FSTL4: variants seen among roughly 807,000 people sequenced by gnomAD.
The protein encoded by FSTL4 is follistatin-related protein 4.
Under a neutral mutation model 78.2 loss-of-function variants are expected in FSTL4, and 28 were observed. That is an observed-to-expected ratio of 0.36 (90% CI 0.27 to 0.49). The LOEUF is 0.49. Among genes scored for constraint, FSTL4 ranks in the 20% least tolerant of loss-of-function variants. The probability of loss-of-function intolerance (pLI) is 0.98; values close to 1 mark genes in which losing one functional copy is unlikely to be tolerated. For synonymous variants in FSTL4, 422 were observed against 440.5 expected, an observed-to-expected ratio of 0.96 and a Z score of 0.53; for missense variants, 922 against 1,084.9, an observed-to-expected ratio of 0.85 and a Z score of 2.11.
chr5:133,418,634 T>TTAC (rs766593695), intron 3 of FSTL4, among the ~76,000 whole-genome samples: 4 of 152,210 alleles, frequency 2.6e-5, no homozygotes, highest in Non-Finnish European at 5.9e-5. Flanking sequence ...AACTCATGAA[T>TTAC]TACTATACAG....
At chr5:133,340,149 C>A (rs1423751200) in intron 4 of FSTL4, among the ~76,000 whole-genome samples, 2 of 152,128 alleles carry the variant, frequency 1.3e-5, no homozygotes, top group Non-Finnish European at 2.9e-5. Context: ...TCTCCCTGGG[C>A]CTCATTTCCT....
At chr5:133,809,320 C>T in the FSTL4 span, among the ~76,000 whole-genome samples, 1 of 143,216 alleles carries the variant, frequency 7.0e-6, no homozygotes, top group Non-Finnish European at 1.5e-5. Flanking sequence ...GGGCAGAGAT[C>T]GCACCACTGC....
At chr5:133,379,609 A>G (rs567518586) in intron 4 of FSTL4, among the ~76,000 whole-genome samples, 1 of 152,252 alleles carries the variant, frequency 6.6e-6, no homozygotes, top group Non-Finnish European at 1.5e-5. Context: ...TGGGAAATTC[A>G]CAGATACGTG....
At chr5:133,414,419 C>A (rs1756537188) in intron 3 of FSTL4, among the ~76,000 whole-genome samples, 1 of 152,146 alleles carries the variant, frequency 6.6e-6, no homozygotes, top group Non-Finnish European at 1.5e-5. Context: ...GAACCTTCCA[C>A]ATATGCCTAC....
At position 133,567,369 on chromosome 5, in the gene FSTL4, T is replaced by C. The variant is rs1760048238; in HGVS notation, c.127-150A>G. 9.1e-6 allele frequency: 6 copies of C among 660,736 alleles called. No homozygotes were observed. In the Admixed American group the frequency reaches 1.3e-4, roughly 14 times the overall value. 40.9% of individuals were successfully genotyped at this position (660,736 alleles called of 1,614,324 possible). A position where few individuals can be genotyped will look rare whatever the true frequency, so the allele number is the denominator to read the frequency against. On this transcript the variant is annotated intron_variant, in intron 2 of 15. Transcript: ENST00000265342. ...ACTGAGCAATGTTGGTCTACTAAAC[T>C]CTCAACATGTACATCTATAAATGTA... is the stretch of plus-strand genomic sequence containing the variant.
rs116838250 is a variant in FSTL4, at chr5:133,309,093, C to T, written c.727+3561G>A. Among the ~76,000 whole-genome samples, 558 of 152,328 alleles carry T rather than the reference C, an allele frequency of 3.7e-3. 4 individuals are homozygous for T. The highest frequency in any genetic ancestry group is 9.9e-3 in the African/African-American group (412 of 41,576). ...GAACAGTGCAAAAACCATGCATCAT[C>T]AAGAAGCTTTTTAGATGAGCAACTT... is the stretch of plus-strand genomic sequence containing the variant. On this transcript the variant is annotated intron_variant, in intron 6 of 15. Coordinates refer to ENST00000265342, the MANE Select transcript of FSTL4 (RefSeq NM_015082.2).
At chr5:133,770,501 T>C in the FSTL4 span, among the ~76,000 whole-genome samples, 1 of 152,194 alleles carries the variant, frequency 6.6e-6, no homozygotes, top group African/African-American at 2.4e-5. Flanking sequence ...TGTTTTCATA[T>C]GTTTGTTGGC....
intron 6 of FSTL4, among the ~76,000 whole-genome samples, chr5:133,296,390 T>G (rs150692422): frequency 1.4e-4 from 22 of 152,316 alleles, no homozygotes; most frequent in Middle Eastern, 3.4e-3. Flanking sequence ...TCCTTTAAAA[T>G]ATAAAGTCAG....
chr5:133,455,704 C>T (rs1229375691), intron 3 of FSTL4, among the ~76,000 whole-genome samples: 1 of 152,186 alleles, frequency 6.6e-6, no homozygotes, highest in Non-Finnish European at 1.5e-5. Context: ...TTCAAGGAGG[C>T]TTCAAGAGCA....
At chr5:133,662,912 A>G in the FSTL4 span, among the ~76,000 whole-genome samples, 3 of 152,188 alleles carry the variant, frequency 2.0e-5, no homozygotes, top group African/African-American at 7.2e-5. Flanking sequence ...ACGCCATCCA[A>G]TAATTTAAGA....
chr5:133,699,565 T>G, the FSTL4 span, among the ~76,000 whole-genome samples: 2 of 152,136 alleles, frequency 1.3e-5, no homozygotes, highest in African/African-American at 4.8e-5. Context: ...CTGTTTTCAC[T>G]GTATAACCAA....
chr5:133,420,028 AAAAC>A, intron 3 of FSTL4, among the ~76,000 whole-genome samples: 1 of 152,252 alleles, frequency 6.6e-6, no homozygotes, highest in Non-Finnish European at 1.5e-5. Flanking sequence ...CAGGAATCAC[AAAAC>A]AAACTGTGAT....
chr5:133,832,169 G>A, the FSTL4 span, among the ~76,000 whole-genome samples: 8 of 152,168 alleles, frequency 5.3e-5, no homozygotes, highest in African/African-American at 1.2e-4. Context: ...TTGCGATTTC[G>A]CCTCCTGCAT....
intron 3 of FSTL4, among the ~76,000 whole-genome samples, chr5:133,439,549 C>T (rs1172651497): frequency 6.6e-6 from 1 of 151,918 alleles, no homozygotes; most frequent in Non-Finnish European, 1.5e-5. Flanking sequence ...AAGAAAACGC[C>T]TTGCCTTCAT....
intron 3 of FSTL4, among the ~76,000 whole-genome samples, chr5:133,476,135 G>C (rs745945497): frequency 6.6e-6 from 1 of 152,114 alleles, no homozygotes; most frequent in Non-Finnish European, 1.5e-5. Flanking sequence ...GGGCAAAAAC[G>C]GGCAAAAATG....
the FSTL4 span, among the ~76,000 whole-genome samples, chr5:133,696,265 G>T: frequency 6.6e-6 from 1 of 152,188 alleles, no homozygotes; most frequent in South Asian, 2.1e-4. Context: ...CAGGGGACTG[G>T]GGGGTATCTT....
chr5:133,719,598 G>A, the FSTL4 span, among the ~76,000 whole-genome samples: 14 of 149,816 alleles, frequency 9.3e-5, no homozygotes, highest in African/African-American at 2.5e-4. Flanking sequence ...GCTTGAACCC[G>A]GGAGACAGAG....
intron 4 of FSTL4, among the ~76,000 whole-genome samples, chr5:133,341,547 C>T (rs1048528881): frequency 6.6e-6 from 1 of 152,134 alleles, no homozygotes; most frequent in African/African-American, 2.4e-5. Flanking sequence ...GGAGACCTCT[C>T]AGACAGGAAC....
At chr5:133,739,099 C>T in the FSTL4 span, among the ~76,000 whole-genome samples, 1 of 152,122 alleles carries the variant, frequency 6.6e-6, no homozygotes, top group Non-Finnish European at 1.5e-5. Context: ...GGCTACACAG[C>T]TGCCTACAAA....
Sources: gnomAD v4.1 joint callset for allele counts (sites outside exome capture counted in the v4.1 genomes callset) on GRCh38, gnomAD v4.1.1 for gene constraint, MANE v1.5 for transcripts, NCBI Gene and HGNC (gene_info 2026-07-23, HGNC 2026-07-21) for gene names.